The following ARMC8 variants were observed in gnomAD, a reference collection of about 807,000 sequenced individuals.
ARMC8 encodes the protein armadillo repeat containing 8, also known as armadillo repeat-containing protein 8.
ARMC8 carries 20 observed loss-of-function variants against 99.3 expected under a neutral mutation model. That is an observed-to-expected ratio of 0.20 (90% CI 0.14 to 0.29). ARMC8 has a LOEUF of 0.29. Among genes scored for constraint, ARMC8 ranks in the 10% least tolerant of loss-of-function variants. ARMC8 has a pLI of 1.00. For missense variants in ARMC8, 569 were observed against 809.5 expected (o/e 0.70, Z 3.60); for synonymous variants, 263 against 278.3 (o/e 0.95, Z 0.55).
At chr3:138,245,005 C>CT (rs1425541062) in intron 11 of ARMC8, 83 bp from the exon 12 acceptor site, 538 of 1,483,686 alleles carry the variant, frequency 3.6e-4, no homozygotes, top group South Asian at 5.4e-4. Context: ...AAGTTGTAAA[C>CT]TTTTTTTTTC....
chr3:138,204,795 C>G (rs1199654959), intron 1 of ARMC8, among the ~76,000 whole-genome samples: 1 of 152,180 alleles, frequency 6.6e-6, no homozygotes, highest in Admixed American at 6.6e-5. Context: ...GTCTTCCAGT[C>G]TTGCGGTATC....
intron 10 of ARMC8, among the ~76,000 whole-genome samples, chr3:138,241,159 A>G (rs2046598376): frequency 6.6e-6 from 1 of 152,240 alleles, no homozygotes; most frequent in South Asian, 2.1e-4. Context: ...CAGAAGTAAA[A>G]TTGGACTCAT....
At chr3:138,279,807 C>T (rs938428801) in intron 18 of ARMC8, among the ~76,000 whole-genome samples, 1 of 152,104 alleles carries the variant, frequency 6.6e-6, no homozygotes, top group African/African-American at 2.4e-5. Flanking sequence ...TCTAAGTTTT[C>T]AAATTTGTTA....
At chr3:138,187,655 C>G (rs2043137763) in intron 1 of ARMC8, 56 bp downstream of exon 1, 1 of 1,519,756 alleles carries the variant, frequency 6.6e-7, no homozygotes. Flanking sequence ...ATCCCGGTCT[C>G]CACCATTCCC....
At chr3:138,242,695 C>A (rs1034985619) in intron 11 of ARMC8, among the ~76,000 whole-genome samples, 3 of 152,186 alleles carry the variant, frequency 2.0e-5, no homozygotes, top group African/African-American at 7.2e-5. Flanking sequence ...AGTACTGTTT[C>A]ATGAATGTAA....
chr3:138,271,555 T>G (rs1469882304), intron 16 of ARMC8, among the ~76,000 whole-genome samples: 1 of 152,208 alleles, frequency 6.6e-6, no homozygotes, highest in Non-Finnish European at 1.5e-5. Context: ...CTGTACAAAC[T>G]ATCTTATTCT....
At chr3:138,197,683 G>A (rs1018219756) in intron 1 of ARMC8, among the ~76,000 whole-genome samples, 10 of 152,134 alleles carry the variant, frequency 6.6e-5, no homozygotes, top group Non-Finnish European at 1.5e-4. Flanking sequence ...AACCTTGCAT[G>A]TGCTTTCCAG....
chr3:138,237,871 A>G (rs2046411085), intron 9 of ARMC8: 1 of 285,968 alleles, frequency 3.5e-6, no homozygotes, highest in Non-Finnish European at 6.5e-6. Context: ...ACTGAATTAG[A>G]TTAGATTTAA....
intron 12 of ARMC8, among the ~76,000 whole-genome samples, chr3:138,256,323 AC>A (rs1451382329): frequency 6.8e-6 from 1 of 146,350 alleles, no homozygotes; most frequent in Non-Finnish European, 1.5e-5. Context: ...TGCCATTTGT[AC>A]CCCCAACCAA....
At chr3:138,259,817 C>T (rs143286163) in intron 12 of ARMC8, among the ~76,000 whole-genome samples, 2,048 of 152,348 alleles carry the variant, frequency 0.013, 20 homozygotes, top group Middle Eastern at 0.024. Context: ...CAAAGCTACA[C>T]TCTTAATGTT....
rs1308316021 is a variant in ARMC8 at position 138,298,274 on chromosome 3, T to C, written c.*2382T>C. 6.6e-6 allele frequency: 1 copy of C among 152,246 alleles called. No individual in the cohort carries two copies. Among genetic ancestry groups the C allele is most frequent in the East Asian group, 1.9e-4 (1 of 5,204 alleles). 9.4% of individuals were successfully genotyped at this position (152,246 alleles called of 1,614,324 possible). A position where few individuals can be genotyped will look rare whatever the true frequency, so the allele number is the denominator to read the frequency against. On this transcript the variant is annotated 3_prime_UTR_variant, in exon 22 of 22. Transcript: ENST00000469044. ...AATGTCCAATTTAATAAGTTGCATT[T>C]TTTTTTCTTTAAGCACTTTATTCAG...
chr3:138,296,107 G>T lies in ARMC8; in HGVS notation c.*215G>T, dbSNP rs11716014. 47 of 470,770 alleles carry T rather than the reference G, an allele frequency of 1.0e-4. No homozygotes were observed. Among genetic ancestry groups the T allele is most frequent in the East Asian group, 3.6e-4 (10 of 27,482 alleles). The allele number at this position is 470,770 out of a possible 1,614,324, so 29.2% of individuals were successfully genotyped here. A position where few individuals can be genotyped will look rare whatever the true frequency, so the allele number is the denominator to read the frequency against. The stretch of plus-strand genomic sequence containing the variant: ...CAGAAGACTCTTGTGTTTTGTTTTG[G>T]TTTTTTTTTCTGAGCTACTCGGACT... On this transcript the variant is annotated 3_prime_UTR_variant, in exon 22 of 22. Coordinates refer to ENST00000469044, the MANE Select transcript of ARMC8 (RefSeq NM_001363941.2).
intron 12 of ARMC8, chr3:138,262,433 A>T (rs377449547): frequency 2.3e-6 from 3 of 1,291,838 alleles, no homozygotes; most frequent in African/African-American, 3.0e-5. Context: ...ATTTTCCCTG[A>T]TCATTGTTAA....
chr3:138,204,802 T>C (rs1239442556), intron 1 of ARMC8, among the ~76,000 whole-genome samples: 1 of 152,170 alleles, frequency 6.6e-6, no homozygotes, highest in East Asian at 1.9e-4. Context: ...AGTCTTGCGG[T>C]ATCCAGGATC....
chr3:138,227,043 GTT>G (rs2045732869), intron 5 of ARMC8, among the ~76,000 whole-genome samples: 1 of 152,188 alleles, frequency 6.6e-6, no homozygotes, highest in Non-Finnish European at 1.5e-5. Flanking sequence ...GAGGCCAGCT[GTT>G]TAAAAAGCTG....
At chr3:138,206,207 T>A (rs2108011735) in intron 1 of ARMC8, among the ~76,000 whole-genome samples, 1 of 152,370 alleles carries the variant, frequency 6.6e-6, no homozygotes, top group Non-Finnish European at 1.5e-5. Context: ...TAAACTCATA[T>A]ACCCAAGTAG....
intron 6 of ARMC8, among the ~76,000 whole-genome samples, chr3:138,231,714 C>T (rs1024624473): frequency 1.1e-4 from 17 of 151,504 alleles, no homozygotes; most frequent in African/African-American, 2.9e-4. Context: ...GGATCCCAAG[C>T]GAGAGGATCC....
At chr3:138,268,410 G>A (rs2108286739) in intron 15 of ARMC8, among the ~76,000 whole-genome samples, 1 of 152,234 alleles carries the variant, frequency 6.6e-6, no homozygotes, top group Non-Finnish European at 1.5e-5. Context: ...CGGGGTCTTG[G>A]CCTGATGATA....
chr3:138,209,130 G>A (rs2044555104), intron 1 of ARMC8, among the ~76,000 whole-genome samples: 1 of 152,350 alleles, frequency 6.6e-6, no homozygotes, highest in East Asian at 1.9e-4. Context: ...CTGGCTGAGA[G>A]CCAGATTTTG....
Sources: gnomAD v4.1 joint callset for allele counts (sites outside exome capture counted in the v4.1 genomes callset) on GRCh38, gnomAD v4.1.1 for gene constraint, MANE v1.5 for transcripts, NCBI Gene and HGNC (gene_info 2026-07-23, HGNC 2026-07-21) for gene names.